Variants in TBC1D10A observed in about 807,000 individuals in gnomAD.
TBC1D10A encodes EBP50-PDX interactor of 64 kDa.
TBC1D10A carries 24 observed loss-of-function variants against 52.9 expected under a neutral mutation model. The ratio of observed to expected loss-of-function variants is 0.45; its 90% CI spans 0.33 to 0.64. TBC1D10A has a LOEUF of 0.64. TBC1D10A is among the 30% of genes least tolerant of loss of function. The probability of loss-of-function intolerance (pLI) is 0.02; values close to 1 mark genes in which losing one functional copy is unlikely to be tolerated. For missense variants in TBC1D10A, 602 were observed against 687.9 expected (o/e 0.88, Z 1.40); for synonymous variants, 278 against 282.9 (o/e 0.98, Z 0.17).
chr22:30,293,361 A>G, intron 8 of TBC1D10A: 1 of 672,032 alleles, frequency 1.5e-6, no homozygotes, highest in South Asian at 1.5e-5. Flanking sequence ...AAGAGAAATA[A>G]GAGCCAAGGC....
chr22:30,296,864 G>A (rs1272992085), intron 3 of TBC1D10A: 1 of 152,232 alleles, frequency 6.6e-6, no homozygotes. Context: ...GAGCAGGGAA[G>A]CAGAGTATTC....
chr22:30,308,485 A>G (rs1237781222), intron 1 of TBC1D10A, among the ~76,000 whole-genome samples: 2 of 152,246 alleles, frequency 1.3e-5, no homozygotes, highest in Admixed American at 1.3e-4. Flanking sequence ...CATTTTAGGA[A>G]ACGAGTTGCC....
At chr22:30,308,260 G>A (rs1930350039) in intron 1 of TBC1D10A, among the ~76,000 whole-genome samples, 1 of 120,956 alleles carries the variant, frequency 8.3e-6, no homozygotes, top group South Asian at 3.0e-4. Flanking sequence ...CACAGGCCAA[G>A]CCCTCAGCCT....
chr22:30,293,014 C>T lies in TBC1D10A; in HGVS notation c.1051-163G>A, dbSNP rs1467518769. On this transcript the variant is annotated intron_variant, in intron 8 of 8. Transcript: ENST00000215790. ...CTAGTCCCAAGCTGCAGTCACGAGCCCCACAGCTGAGTGCCAGGTGAGCTG... is the reference window on the plus strand; with the variant it reads ...CTAGTCCCAAGCTGCAGTCACGAGCTCCACAGCTGAGTGCCAGGTGAGCTG... 14 of 729,620 alleles carry T rather than the reference C, an allele frequency of 1.9e-5. No homozygotes were observed. The South Asian group carries it at 2.4e-4, about 12-fold the overall frequency. The allele number at this position is 729,620 out of a possible 1,614,324, so 45.2% of individuals were successfully genotyped here.
Position 30,293,790 on chromosome 22 carries a change from A to G in TBC1D10A, c.911T>C (p.Phe304Ser). 6.2e-7 allele frequency: 1 copy of G among 1,611,740 alleles called. No homozygotes were observed. Among genetic ancestry groups the G allele is most frequent in the Non-Finnish European group, 8.5e-7 (1 of 1,178,506 alleles). Residue 304 changes from phenylalanine (F) to serine (S), a missense_variant, in exon 8 of 9, where the codon TTC becomes TCC. Transcript: ENST00000215790. Reference protein sequence around the residue: ...MFFCEGVKIIFRVGLVLLKHA... With the variant: ...MFFCEGVKIISRVGLVLLKHA... The stretch of plus-strand genomic sequence containing the variant: ...CTTCAGCAGCACCAGCCCCACCCGG[A>G]AGATGATCTTGACCCCTGCATGGGG...
chr22:30,303,430 C>T (rs541584936), intron 2 of TBC1D10A, among the ~76,000 whole-genome samples: 4 of 152,312 alleles, frequency 2.6e-5, no homozygotes, highest in African/African-American at 9.6e-5. Context: ...TCACCATCTA[C>T]GATACAGTCT....
chr22:30,326,725 G>C lies in TBC1D10A; in HGVS notation c.157C>G (p.Arg53Gly), dbSNP rs1166337368. ...SDSEANGFAE[R>G]RIDKFGFIVG... ...ATGAAGCCGAACTTGTCGATGCGGC[G>C]CTCGGCGAAGCCGTTGGCCTCCGAG... Residue 53 changes from arginine (R) to glycine (G), a missense_variant, in exon 1 of 9, where the codon CGC becomes GGC. Arg to Gly is a moderately radical substitution (Grantham distance 125). Around this residue, in one of 3 missense-constraint regions of TBC1D10A, gnomAD observed 201 missense variants for 204.4 expected, o/e 0.98. Transcript: ENST00000215790. The C allele has an allele frequency of 7.1e-6, 11 of 1,541,924 alleles. No individual in the cohort carries two copies. The highest frequency in any genetic ancestry group is 9.6e-6 in the Non-Finnish European group (11 of 1,143,302).
chr22:30,304,939 G>A (rs938360184), intron 1 of TBC1D10A, among the ~76,000 whole-genome samples: 1 of 152,240 alleles, frequency 6.6e-6, no homozygotes, highest in African/African-American at 2.4e-5. Flanking sequence ...GTGCAGCAAA[G>A]CAAAGCATTC....
rs1403990013 is a variant in TBC1D10A at position 30,304,726 on chromosome 22, C to G, written c.210-96G>C. The G allele has an allele frequency of 2.6e-6, 4 of 1,523,756 alleles. No individual in the cohort carries two copies. In the African/African-American group the frequency reaches 5.6e-5, roughly 21 times the overall value. The allele number at this position is 1,523,756 out of a possible 1,614,324, so 94.4% of individuals were successfully genotyped here. ...CCAGCCTGGTCAGACCTCCATTCTT[C>G]CTGCCTACCATCCCTGCTGTTCCCT... On this transcript the variant is annotated intron_variant, in intron 1 of 8. Transcript: ENST00000215790.
rs1930783955 is a variant in TBC1D10A at position 30,326,694 on chromosome 22, C to T, written c.188G>A (p.Gly63Asp). The stretch of plus-strand genomic sequence containing the variant: ...TCACGCGCCCTCGGCGCCCTGCGAG[C>T]CCACGATGAAGCCGAACTTGTCGAT... Reference protein sequence around the residue: ...RRIDKFGFIVGSQGAEGALEE... With the variant: ...RRIDKFGFIVDSQGAEGALEE... The change falls in exon 1 of 9, where the codon GGC becomes GAC. Residue 63 changes from glycine to aspartate, a missense_variant. Gly to Asp is a moderately conservative substitution (Grantham distance 94). Transcript: ENST00000215790. The T allele has an allele frequency of 6.5e-7, 1 of 1,550,358 alleles. No individual in the cohort carries two copies. Among genetic ancestry groups the T allele is most frequent in the Non-Finnish European group, 8.7e-7 (1 of 1,147,458 alleles).
In TBC1D10A at chr22:30,292,773, C is replaced by T. The variant is rs1337756861; in HGVS notation, c.1129G>A (p.Gly377Ser). Reference protein sequence around the residue: ...IQLRRWQETRGELQCRSPPRL... With the variant: ...IQLRRWQETRSELQCRSPPRL... ...GGCGGGGAGCGGCACTGCAGCTCAC[C>T]CCGGGTCTCCTGCCAGCGCCGCAGC... Residue 377 changes from glycine (G) to serine (S), a missense_variant, in exon 9 of 9, where the codon GGT becomes AGT. Physicochemically the swap from Gly to Ser is moderately conservative, Grantham distance 56. This residue lies in a region of TBC1D10A where 265 missense variants were observed against 275.1 expected (regional missense o/e 0.96). Coordinates refer to ENST00000215790, the MANE Select transcript of TBC1D10A (RefSeq NM_031937.3). 2 of 1,612,124 alleles carry T rather than the reference C, an allele frequency of 1.2e-6. No homozygotes were observed. Among genetic ancestry groups the T allele is most frequent in the East Asian group, 4.5e-5 (2 of 44,880 alleles).
At chr22:30,306,132 T>C (rs1211708047) in intron 1 of TBC1D10A, among the ~76,000 whole-genome samples, 2 of 152,310 alleles carry the variant, frequency 1.3e-5, no homozygotes, top group African/African-American at 4.8e-5. Context: ...GCACTGCTTA[T>C]GCAACAAGTC....
At chr22:30,310,393 G>T (rs1354267363) in intron 1 of TBC1D10A, among the ~76,000 whole-genome samples, 1 of 152,162 alleles carries the variant, frequency 6.6e-6, no homozygotes, top group Admixed American at 6.5e-5. Flanking sequence ...GGAAGGCAGG[G>T]CATGATTACC....
At chr22:30,326,584 C>G in intron 1 of TBC1D10A, 89 bp downstream of exon 1, 3 of 1,272,882 alleles carry the variant, frequency 2.4e-6, no homozygotes, top group South Asian at 2.8e-5. Context: ...GGGAGGGGGA[C>G]GTGTCGGCAA....
At chr22:30,305,629 C>T (rs1930295558) in intron 1 of TBC1D10A, 1 of 152,320 alleles carries the variant, frequency 6.6e-6, no homozygotes, top group Non-Finnish European at 1.5e-5. Flanking sequence ...AGGAACAGGA[C>T]ACAGTGGGGC....
Position 30,292,738 on chromosome 22 carries a change from A to G in TBC1D10A, c.1164T>C (p.His388=). 1.2e-6 allele frequency: 2 copies of G among 1,611,916 alleles called. No homozygotes were observed. The highest frequency in any genetic ancestry group is 1.3e-5 in the African/African-American group (1 of 74,946). ...CTGCATCCAAGATAGCCTTGGCACC[A>G]TGCAGCCTGGGCGGGGAGCGGCACT... is the stretch of plus-strand genomic sequence containing the variant. ...ELQCRSPPRL[H]GAKAILDAEP... The change falls in exon 9 of 9, where the codon CAT becomes CAC. Residue 388 remains histidine, a synonymous_variant. Transcript: ENST00000215790.
At chr22:30,317,281 A>G (rs1351034069) in intron 1 of TBC1D10A, among the ~76,000 whole-genome samples, 1 of 151,360 alleles carries the variant, frequency 6.6e-6, no homozygotes, top group Non-Finnish European at 1.5e-5. Flanking sequence ...GGTGGTGGGC[A>G]CCTAAAACCC....
chr22:30,304,678 G>A, intron 1 of TBC1D10A, 48 bp from the exon 2 acceptor site: 1 of 1,599,164 alleles, frequency 6.3e-7, no homozygotes, highest in Non-Finnish European at 8.5e-7. Flanking sequence ...GGGAAGCAAA[G>A]GCCCTGGCTT....
rs868565681 is a variant in TBC1D10A, at chr22:30,295,794, C to T, written c.467G>A (p.Arg156His). ...GDPKWLDVIERDLHRQFPFHE... is the reference protein window; with the variant it reads ...GDPKWLDVIEHDLHRQFPFHE... ...GAATGGGAACTGCCGGTGCAGGTCACGCTCAATCACGTCCAGCCACTTGGG... is the reference window on the plus strand; with the variant it reads ...GAATGGGAACTGCCGGTGCAGGTCATGCTCAATCACGTCCAGCCACTTGGG... The change falls in exon 4 of 9, where the codon CGT becomes CAT. Residue 156 changes from arginine to histidine, a missense_variant. Around this residue, in one of 3 missense-constraint regions of TBC1D10A, gnomAD observed 136 missense variants for 208.4 expected, o/e 0.65. Coordinates refer to ENST00000215790, the MANE Select transcript of TBC1D10A (RefSeq NM_031937.3). The T allele has an allele frequency of 3.1e-6, 5 of 1,613,888 alleles. No individual in the cohort carries two copies. Among genetic ancestry groups the T allele is most frequent in the African/African-American group, 2.7e-5 (2 of 74,930 alleles).
Sources: allele counts gnomAD v4.1 joint callset (sites outside exome capture counted in the v4.1 genomes callset), GRCh38; gene constraint gnomAD v4.1.1; regional missense constraint gnomAD v4.1.1; transcripts MANE v1.5; gene names NCBI Gene and HGNC (gene_info 2026-07-23, HGNC 2026-07-21).